Variants in SPTBN1 observed in about 807,000 individuals in gnomAD.
SPTBN1 encodes spectrin beta, non-erythrocytic 1.
A neutral mutation model predicts 266.4 loss-of-function variants in SPTBN1; 32 were observed. That is an observed-to-expected ratio of 0.12 (90% CI 0.09 to 0.16). The LOEUF (loss-of-function observed/expected upper bound fraction) is 0.16, where lower values mean the gene tolerates loss of function less well. SPTBN1 is among the 10% of genes least tolerant of loss of function. The pLI is 1.00. For synonymous variants in SPTBN1, 1,336 were observed against 1,162.2 expected (o/e 1.15, Z -3.04); for missense variants, 2,296 against 3,067.1 (o/e 0.75, Z 5.94).
intron 1 of SPTBN1, chr2:54,516,075 A>G (rs1368502875): frequency 6.6e-6 from 1 of 151,934 alleles, no homozygotes; most frequent in African/African-American, 2.4e-5. Flanking sequence ...AAGAGCCTTG[A>G]GTCTTTTTGA....
At chr2:54,583,199 C>T (rs1031413641) in intron 2 of SPTBN1, among the ~76,000 whole-genome samples, 1 of 152,042 alleles carries the variant, frequency 6.6e-6, no homozygotes, top group South Asian at 2.1e-4. Flanking sequence ...CCTTGACTCA[C>T]CTCTGGTCAG....
chr2:54,601,873 A>T (rs771194108), intron 3 of SPTBN1, among the ~76,000 whole-genome samples: 11 of 152,130 alleles, frequency 7.2e-5, no homozygotes, highest in Non-Finnish European at 1.3e-4. Context: ...AGACAATTCC[A>T]CCCTCACCCC....
intron 2 of SPTBN1, among the ~76,000 whole-genome samples, chr2:54,546,880 T>C (rs561546538): frequency 1.1e-4 from 16 of 148,426 alleles, no homozygotes; most frequent in Middle Eastern, 3.5e-3. Context: ...TTTATAGATC[T>C]GCTGTTTCTT....
rs1558775035 is a variant in SPTBN1 at position 54,492,338 on chromosome 2, G to GGT, written c.-47-34034_-47-34033insGT. Among the ~76,000 whole-genome samples the GGT allele has an allele frequency of 4.9e-4, 58 of 118,092 alleles. 7 individuals are homozygous for GGT. The highest frequency in any genetic ancestry group is 8.1e-4 in the Admixed American group (10 of 12,282). 77.5% of individuals were successfully genotyped at this position (118,092 alleles called of 152,430 possible). Reference sequence around the variant, plus strand: ...TTACTGGACATTTAGTTTGTCTGCAGTTGTTTTTTTGTTTTTTTTTTTTTT... The same window carrying GGT: ...TTACTGGACATTTAGTTTGTCTGCAGGTTTGTTTTTTTGTTTTTTTTTTTTTT... On this transcript the variant is annotated intron_variant, in intron 1 of 35. Transcript: ENST00000356805.
intron 27 of SPTBN1, among the ~76,000 whole-genome samples, chr2:54,654,140 T>C (rs1401699552): frequency 6.6e-6 from 1 of 152,190 alleles, no homozygotes; most frequent in Non-Finnish European, 1.5e-5. Context: ...TGCCCACATA[T>C]GTGCTTGAAG....
chr2:54,604,015 C>T (rs1294488584), intron 3 of SPTBN1, among the ~76,000 whole-genome samples: 3 of 152,118 alleles, frequency 2.0e-5, no homozygotes, highest in East Asian at 1.9e-4. Context: ...CTTCAGTGAC[C>T]ACCAAGTTAA....
At chr2:54,623,311 A>G (rs1678113753) in intron 9 of SPTBN1, among the ~76,000 whole-genome samples, 168 bp from the exon 10 acceptor site, 1 of 152,192 alleles carries the variant, frequency 6.6e-6, no homozygotes, top group Non-Finnish European at 1.5e-5. Context: ...AAGAAATTCC[A>G]CGGTTTGGTA....
At position 54,630,411 on chromosome 2, in the gene SPTBN1, C is replaced by T. The variant is rs532413563; in HGVS notation, c.2807+382C>T. ...ATTTGCCAATGAAAGTCCTGATTGT[C>T]AGGGCAGACCTTTGTTCCAGTCTTA... On this transcript the variant is annotated intron_variant, in intron 15 of 35. Coordinates refer to ENST00000356805, the MANE Select transcript of SPTBN1 (RefSeq NM_003128.3). Among the ~76,000 whole-genome samples, 4 of 152,334 alleles carry T rather than the reference C, an allele frequency of 2.6e-5. No homozygotes were observed. The East Asian group carries it at 5.8e-4, about 22-fold the overall frequency.
intron 1 of SPTBN1, among the ~76,000 whole-genome samples, chr2:54,503,687 A>G (rs1161530059): frequency 3.3e-5 from 5 of 152,198 alleles, no homozygotes; most frequent in Non-Finnish European, 5.9e-5. Context: ...CAGCAATATT[A>G]AAAACATATA....
At chr2:54,506,123 C>CTAAATAAATAAATAAATAAATAAA (rs56815057) in intron 1 of SPTBN1, among the ~76,000 whole-genome samples, 1 of 145,438 alleles carries the variant, frequency 6.9e-6, no homozygotes, top group Non-Finnish European at 1.5e-5. Flanking sequence ...GACTCCGTCT[C>CTAAATAAATAAATAAATAAATAAA]TAAATAAATA....
Position 54,665,974 on chromosome 2 carries a change from C to G in SPTBN1, c.6719C>G (p.Ala2240Gly), listed in dbSNP as rs755616423. The change falls in exon 34 of 36, where the codon GCA (alanine) becomes GGA (glycine). Residue 2240 changes from alanine to glycine, a missense_variant. By Grantham distance (60) the Ala-to-Gly change is moderately conservative. This residue lies in a region of SPTBN1 where 347 missense variants were observed against 368.5 expected (regional missense o/e 0.94). Transcript: ENST00000356805. The part of the protein sequence containing the change: ...NNQEMGFYKD[A>G]KTAASGIPYH... The stretch of plus-strand genomic sequence containing the variant: ...CAAGAAATGGGTTTCTACAAAGATG[C>G]AAAGACTGCTGCTTCTGGAATTCCC... 6.2e-7 allele frequency: 1 copy of G among 1,613,982 alleles called. No homozygotes were observed. The highest frequency in any genetic ancestry group is 1.1e-5 in the South Asian group (1 of 91,074).
At chr2:54,524,721 C>T (rs1358836980) in intron 1 of SPTBN1, among the ~76,000 whole-genome samples, 1 of 152,214 alleles carries the variant, frequency 6.6e-6, no homozygotes, top group Admixed American at 6.5e-5. Flanking sequence ...GGCTCGCCCA[C>T]CTCCCTCCCT....
At chr2:54,614,648 C>T (rs954914069) in intron 4 of SPTBN1, among the ~76,000 whole-genome samples, 1 of 151,908 alleles carries the variant, frequency 6.6e-6, no homozygotes, top group African/African-American at 2.4e-5. Flanking sequence ...ACTAAAAATA[C>T]AAAAATTAGC....
At position 54,667,691 on chromosome 2, in the gene SPTBN1, A is replaced by G. The variant is rs763446080; in HGVS notation, c.6876+45A>G. 26 of 1,571,100 alleles carry G rather than the reference A, an allele frequency of 1.7e-5. No homozygotes were observed. In the South Asian group the frequency reaches 2.0e-4, roughly 12 times the overall value. ...TTCTCTCCACTACTTAGGAGTTTGC[A>G]AGTGTTTGTGTGATGATGGGCTTTA... is the stretch of plus-strand genomic sequence containing the variant. On this transcript the variant is annotated intron_variant, in intron 35 of 35. Transcript: ENST00000356805.
At chr2:54,606,659 G>A (rs984484041) in intron 3 of SPTBN1, among the ~76,000 whole-genome samples, 6 of 152,198 alleles carry the variant, frequency 3.9e-5, no homozygotes, top group African/African-American at 1.4e-4. Context: ...CATGAGAAAT[G>A]ATAGCTGATC....
rs777711778 is a variant in SPTBN1, at chr2:54,664,511, G to C, written c.6479G>C (p.Ser2160Thr). 1.2e-6 allele frequency: 2 copies of C among 1,614,148 alleles called. No individual in the cohort carries two copies. Among genetic ancestry groups the C allele is most frequent in the South Asian group, 2.2e-5 (2 of 91,090 alleles). The change falls in exon 33 of 36, where the codon AGC becomes ACC. Residue 2160 changes from serine to threonine, a missense_variant. By Grantham distance (58) the Ser-to-Thr change is moderately conservative (BLOSUM62 1). Transcript: ENST00000356805. The surrounding 1 kb of genome is among the most constrained non-coding windows in gnomAD (Gnocchi z 5.6). ...MVNGATEQRT[S>T]SKESSPIPSP... Reference sequence around the variant, plus strand: ...AACGGCGCTACAGAACAAAGGACGAGCTCTAAAGAGTCCAGCCCCATCCCC... The same window carrying C: ...AACGGCGCTACAGAACAAAGGACGACCTCTAAAGAGTCCAGCCCCATCCCC...
intron 4 of SPTBN1, among the ~76,000 whole-genome samples, chr2:54,615,809 T>C (rs1263296099): frequency 6.6e-6 from 1 of 152,222 alleles, no homozygotes; most frequent in African/African-American, 2.4e-5. Context: ...AGTGCCCTCA[T>C]CAATGAAGGT....
chr2:54,483,474 C>G (rs989844449), intron 1 of SPTBN1, among the ~76,000 whole-genome samples: 3 of 152,180 alleles, frequency 2.0e-5, no homozygotes, highest in South Asian at 2.1e-4. Flanking sequence ...GGAGATTGTT[C>G]CTCCTGCAGG....
At chr2:54,591,153 G>A (rs1675655441) in intron 2 of SPTBN1, among the ~76,000 whole-genome samples, 1 of 152,130 alleles carries the variant, frequency 6.6e-6, no homozygotes, top group Non-Finnish European at 1.5e-5. Flanking sequence ...CTAGTTCATT[G>A]AGGGTAAGAG....
Sources: allele counts gnomAD v4.1 joint callset (sites outside exome capture counted in the v4.1 genomes callset), GRCh38; gene constraint gnomAD v4.1.1; regional missense constraint gnomAD v4.1.1; non-coding constraint Gnocchi (gnomAD v3.1); transcripts MANE v1.5; gene names NCBI Gene and HGNC (gene_info 2026-07-23, HGNC 2026-07-21).